Variants in CCDC57 observed in about 807,000 individuals in gnomAD.
CCDC57 encodes coiled-coil domain-containing protein 57.
Under a neutral mutation model 118.9 loss-of-function variants are expected in CCDC57, and 118 were observed. That is an observed-to-expected ratio of 0.99 (90% confidence interval 0.86 to 1.16). The LOEUF is 1.16. CCDC57 is among the 50% of genes most tolerant of loss of function. The pLI, the probability that CCDC57 is intolerant of heterozygous loss-of-function variation, is 0.00. For synonymous variants in CCDC57, 527 were observed against 532.9 expected (o/e 0.99, Z 0.15); for missense variants, 1,300 against 1,320.7 (o/e 0.98, Z 0.24).
chr17:82,187,523 G>A (rs1404125342), intron 8 of CCDC57, among the ~76,000 whole-genome samples: 4 of 90,312 alleles, frequency 4.4e-5, no homozygotes, highest in Non-Finnish European at 6.4e-5. Flanking sequence ...GGAGGTGGCC[G>A]GGGCTGGTGG....
chr17:82,119,958 G>A (rs1369650994), intron 19 of CCDC57, among the ~76,000 whole-genome samples: 1 of 152,186 alleles, frequency 6.6e-6, no homozygotes, highest in African/African-American at 2.4e-5. Flanking sequence ...GGGACGGGGT[G>A]ACTGCTGGGT....
intron 18 of CCDC57, 56 bp from the exon 18 acceptor site, chr17:82,127,964 A>G: frequency 6.3e-7 from 1 of 1,593,208 alleles, no homozygotes; most frequent in East Asian, 2.2e-5. Context: ...AGGAAGCCAC[A>G]GGACTCCCCC....
At chr17:82,174,198 C>T (rs934225004) in intron 11 of CCDC57, among the ~76,000 whole-genome samples, 7 of 152,220 alleles carry the variant, frequency 4.6e-5, no homozygotes, top group African/African-American at 1.7e-4. Flanking sequence ...CTGGGCCCTT[C>T]CCAGGACGCT....
intron 4 of CCDC57, among the ~76,000 whole-genome samples, chr17:82,195,669 T>A (rs2048216485): frequency 6.6e-6 from 1 of 152,042 alleles, no homozygotes; most frequent in South Asian, 2.1e-4. Context: ...GAGTCAATTC[T>A]ACCTCTGACA....
chr17:82,205,873 C>T (rs182942078), intron 2 of CCDC57, among the ~76,000 whole-genome samples: 15 of 152,368 alleles, frequency 9.8e-5, no homozygotes, highest in South Asian at 2.1e-4. Context: ...GTAAGTCAGC[C>T]GGGCTCGGCT....
intron 19 of CCDC57, among the ~76,000 whole-genome samples, chr17:82,105,332 G>A (rs947690536): frequency 6.6e-6 from 1 of 152,192 alleles, no homozygotes; most frequent in Non-Finnish European, 1.5e-5. Context: ...CTGCCACAGG[G>A]GTCCTCACGC....
intron 8 of CCDC57, 97 bp from the exon 8 acceptor site, chr17:82,184,029 GCGCACACACACACA>G (rs1423243480): frequency 1.3e-4 from 31 of 238,928 alleles, no homozygotes; most frequent in East Asian, 5.7e-4. Flanking sequence ...GCGCGCGCGC[GCGCACACACACACA>G]CACACACACA....
chr17:82,164,102 A>G (rs6502076), intron 13 of CCDC57, among the ~76,000 whole-genome samples: 71,032 of 151,988 alleles, frequency 0.47, 17,411 homozygotes, highest in East Asian at 0.88. Context: ...AGGGCCAGGC[A>G]CGGTGGCTCA....
intron 11 of CCDC57, among the ~76,000 whole-genome samples, chr17:82,176,124 G>A (rs2045440533): frequency 6.6e-6 from 1 of 152,182 alleles, no homozygotes; most frequent in Non-Finnish European, 1.5e-5. Context: ...GGAACACCAA[G>A]CTCTGTGCCA....
chr17:82,168,910 G>T (rs115590279), intron 13 of CCDC57, among the ~76,000 whole-genome samples: 256 of 151,824 alleles, frequency 1.7e-3, no homozygotes, highest in African/African-American at 5.9e-3. Flanking sequence ...GGAATAGAAA[G>T]AAACTTCCTT....
chr17:82,124,400 C>T (rs2037140387), intron 19 of CCDC57, among the ~76,000 whole-genome samples: 1 of 151,796 alleles, frequency 6.6e-6, no homozygotes, highest in Non-Finnish European at 1.5e-5. Flanking sequence ...GTATTTAAAG[C>T]TAAAATCAAC....
At chr17:82,152,464 C>G (rs2042175927) in intron 15 of CCDC57, among the ~76,000 whole-genome samples, 1 of 152,226 alleles carries the variant, frequency 6.6e-6, no homozygotes, top group Admixed American at 6.5e-5. Context: ...CACCCCAAGC[C>G]TGGGTCAACC....
intron 3 of CCDC57, among the ~76,000 whole-genome samples, chr17:82,199,585 A>G (rs1429200353): frequency 6.6e-6 from 1 of 152,198 alleles, no homozygotes; most frequent in East Asian, 1.9e-4. Flanking sequence ...ACTTCACAAC[A>G]TAACGTAAAG....
intron 9 of CCDC57, among the ~76,000 whole-genome samples, chr17:82,182,831 G>A (rs946560853): frequency 6.6e-6 from 1 of 151,370 alleles, no homozygotes; most frequent in African/African-American, 2.4e-5. Context: ...GACTACAGGC[G>A]TGAGCCACCA....
At chr17:82,194,418 C>T (rs2048054665) in intron 5 of CCDC57, among the ~76,000 whole-genome samples, 1 of 151,792 alleles carries the variant, frequency 6.6e-6, no homozygotes, top group African/African-American at 2.4e-5. Flanking sequence ...TCAAGCAATT[C>T]TCCTGCCTTA....
chr17:82,184,356 A>C (rs2046676909), intron 8 of CCDC57, among the ~76,000 whole-genome samples: 1 of 152,138 alleles, frequency 6.6e-6, no homozygotes, highest in Non-Finnish European at 1.5e-5. Context: ...CTAGCACAGC[A>C]CCCCACGTGC....
chr17:82,200,955 T>C (rs1292003257), intron 3 of CCDC57, among the ~76,000 whole-genome samples: 1 of 152,212 alleles, frequency 6.6e-6, no homozygotes. Flanking sequence ...TAATGTGCTA[T>C]GATGAACCTG....
chr17:82,158,889 T>G (rs869184222), intron 14 of CCDC57, among the ~76,000 whole-genome samples: 1 of 151,778 alleles, frequency 6.6e-6, no homozygotes, highest in Non-Finnish European at 1.5e-5. Flanking sequence ...GGTCTTGCTC[T>G]TCGCCCAAGC....
chr17:82,175,176 G>C (rs914741985), intron 11 of CCDC57, among the ~76,000 whole-genome samples: 6 of 152,240 alleles, frequency 3.9e-5, no homozygotes, highest in African/African-American at 1.4e-4. Flanking sequence ...AGAACCAAAA[G>C]GAAGAAAGAA....
Sources: allele counts gnomAD v4.1 joint callset (sites outside exome capture counted in the v4.1 genomes callset), GRCh38; gene constraint gnomAD v4.1.1; transcripts MANE v1.5; gene names NCBI Gene and HGNC (gene_info 2026-07-23, HGNC 2026-07-21).